GRIP2: variants seen among roughly 807,000 people sequenced by gnomAD.
The protein encoded by GRIP2 is glutamate receptor interacting protein 2.
Under a neutral mutation model 108.3 loss-of-function variants are expected in GRIP2, and 58 were observed. The ratio of observed to expected loss-of-function variants is 0.54; its 90% CI spans 0.43 to 0.67. GRIP2 has a LOEUF of 0.67. GRIP2 is among the 30% of genes least tolerant of loss of function. GRIP2 has a pLI of 0.00. For synonymous variants in GRIP2, 586 were observed against 598.2 expected, an observed-to-expected ratio of 0.98 and a Z score of 0.30; for missense variants, 1,278 against 1,430.6, an observed-to-expected ratio of 0.89 and a Z score of 1.72.
intron 1 of GRIP2, among the ~76,000 whole-genome samples, chr3:14,535,993 C>T (rs560872939): frequency 5.9e-5 from 9 of 152,320 alleles, no homozygotes; most frequent in South Asian, 2.1e-4. Flanking sequence ...CCAATCCCCA[C>T]GGGCGACAAG....
At chr3:14,547,590 A>C (rs1387554730) in intron 1 of GRIP2, among the ~76,000 whole-genome samples, 1 of 152,130 alleles carries the variant, frequency 6.6e-6, no homozygotes, top group African/African-American at 2.4e-5. Flanking sequence ...GGAGGGAGAG[A>C]GGGATAGGGT....
chr3:14,500,631 A>G (rs941698460), intron 21 of GRIP2, among the ~76,000 whole-genome samples: 1 of 152,248 alleles, frequency 6.6e-6, no homozygotes, highest in African/African-American at 2.4e-5. Flanking sequence ...ATTTAAGAGC[A>G]GGGGTGAAAT....
At chr3:14,526,563 C>T (rs1020335636) in intron 1 of GRIP2, among the ~76,000 whole-genome samples, 2 of 152,202 alleles carry the variant, frequency 1.3e-5, no homozygotes, top group African/African-American at 2.4e-5. Context: ...CACTCTAATT[C>T]GAGAAAGCGC....
chr3:14,533,768 C>T (rs193059939), intron 1 of GRIP2, among the ~76,000 whole-genome samples: 1 of 152,138 alleles, frequency 6.6e-6, no homozygotes, highest in African/African-American at 2.4e-5. Flanking sequence ...TTAGGGACAG[C>T]GGAGGTGCCG....
At position 14,507,622 on chromosome 3, in the gene GRIP2, G is replaced by C. The variant is rs779866197; in HGVS notation, c.2157C>G (p.Ala719=). The C allele has an allele frequency of 1.2e-6, 2 of 1,614,024 alleles. No homozygotes were observed. The highest frequency in any genetic ancestry group is 1.7e-6 in the Non-Finnish European group (2 of 1,179,880). ...VSLKGRPLSE[A]IHLLQVAGET... ...CTCCAGCCACCTGCAGGAGGTGGAT[G>C]GCCTCGCTCAGCGGCCGGCCCTTGA... Residue 719 remains alanine, a synonymous_variant, in exon 18 of 24, where the codon GCC becomes GCG. Coordinates refer to ENST00000621039, the MANE Select transcript of GRIP2 (RefSeq NM_001080423.4). The surrounding 1 kb of genome is among the most constrained non-coding windows in gnomAD (Gnocchi z 4.6).
Position 14,507,001 on chromosome 3 carries a change from C to T in GRIP2, c.2219-21G>A, listed in dbSNP as rs1013624720. On this transcript the variant is annotated intron_variant, in intron 18 of 23. Coordinates refer to ENST00000621039, the MANE Select transcript of GRIP2 (RefSeq NM_001080423.4). This position sits in a 1 kb window ranked among gnomAD's most constrained non-coding sequence, Gnocchi z 4.6. The stretch of plus-strand genomic sequence containing the variant: ...GGGACCTGGGAGGAGAGAGGGGTGT[C>T]AATTCTGACTTCAGAGACACTCACA... The T allele has an allele frequency of 1.9e-6, 3 of 1,572,524 alleles. No homozygotes were observed. The African/African-American group carries it at 4.0e-5, about 21-fold the overall frequency.
At chr3:14,518,797 C>T (rs907803273) in intron 9 of GRIP2, among the ~76,000 whole-genome samples, 2 of 152,208 alleles carry the variant, frequency 1.3e-5, no homozygotes, top group African/African-American at 4.8e-5. Context: ...AACTGCGGGA[C>T]CTGGAGGAGT....
At position 14,517,151 on chromosome 3, in the gene GRIP2, T is replaced by C. The variant is rs748075236; in HGVS notation, c.1219A>G (p.Ser407Gly). The change falls in exon 11 of 24, where the codon AGC (serine) becomes GGC (glycine). Residue 407 changes from serine to glycine, a missense_variant. Physicochemically the swap from Ser to Gly is moderately conservative, Grantham distance 56. Coordinates refer to ENST00000621039, the MANE Select transcript of GRIP2 (RefSeq NM_001080423.4). ...GGCTGGGATCCACGGGGAAGGGTGCTGGGGTTGTTGCAGGAAAAGGCGTGG... is the reference window on the plus strand; with the variant it reads ...GGCTGGGATCCACGGGGAAGGGTGCCGGGGTTGTTGCAGGAAAAGGCGTGG... ...LNHAFSCNNP[S>G]TLPRGSQPMS... is the part of the protein sequence containing the mutation. 4 of 1,609,754 alleles carry C rather than the reference T, an allele frequency of 2.5e-6. No individual in the cohort carries two copies. Among genetic ancestry groups the C allele is most frequent in the Non-Finnish European group, 3.4e-6 (4 of 1,178,454 alleles).
chr3:14,542,560 A>T (rs192107201), upstream of GRIP2, among the ~76,000 whole-genome samples: 17 of 152,150 alleles, frequency 1.1e-4, no homozygotes, highest in Admixed American at 4.6e-4. Context: ...AAGCCTTGCC[A>T]CATTTCTGTC....
chr3:14,494,421 A>G (rs575186913), intron 23 of GRIP2, among the ~76,000 whole-genome samples: 1 of 152,280 alleles, frequency 6.6e-6, no homozygotes, highest in Admixed American at 6.5e-5. Flanking sequence ...GCTCCCTCAC[A>G]GTTAGTTAGG....
intron 1 of GRIP2, among the ~76,000 whole-genome samples, chr3:14,550,103 CA>C (rs1260714970): frequency 6.6e-6 from 1 of 152,206 alleles, no homozygotes; most frequent in Non-Finnish European, 1.5e-5. Context: ...TGTTTGAGGA[CA>C]GGGCTTGACC....
At chr3:14,556,704 G>A (rs1695241895), upstream of GRIP2, among the ~76,000 whole-genome samples, 1 of 152,186 alleles carries the variant, frequency 6.6e-6, no homozygotes, top group African/African-American at 2.4e-5. Context: ...GTGGAGTTTT[G>A]GGGACTATGT....
At chr3:14,597,103 G>A in the GRIP2 span, among the ~76,000 whole-genome samples, 1 of 152,196 alleles carries the variant, frequency 6.6e-6, no homozygotes, top group Non-Finnish European at 1.5e-5. Context: ...CAGCAAAAGG[G>A]AACAGCAAGT....
chr3:14,530,807 C>T (rs1694690535), intron 1 of GRIP2, among the ~76,000 whole-genome samples: 1 of 152,194 alleles, frequency 6.6e-6, no homozygotes, highest in Non-Finnish European at 1.5e-5. Flanking sequence ...GCATAATAAT[C>T]ACATCAAAGT....
chr3:14,586,159 G>A, the GRIP2 span, among the ~76,000 whole-genome samples: 7 of 152,128 alleles, frequency 4.6e-5, no homozygotes, highest in East Asian at 7.7e-4. Flanking sequence ...TCCCTTGGTT[G>A]GGCCCCACAC....
the GRIP2 span, among the ~76,000 whole-genome samples, chr3:14,581,717 C>G: frequency 6.4e-3 from 976 of 152,324 alleles, 9 homozygotes; most frequent in African/African-American, 0.022. Context: ...TGATGTTGTC[C>G]CTTGAGCCCC....
intron 11 of GRIP2, among the ~76,000 whole-genome samples, chr3:14,515,922 T>A (rs918446578): frequency 4.6e-5 from 7 of 152,178 alleles, no homozygotes; most frequent in African/African-American, 1.7e-4. Flanking sequence ...TGAGCCACCA[T>A]GCCTGGCCTA....
chr3:14,522,107 T>G lies in GRIP2; in HGVS notation c.567-320A>C. The G allele has an allele frequency of 3.4e-6, 1 of 291,014 alleles. No individual in the cohort carries two copies. Among genetic ancestry groups the G allele is most frequent in the Non-Finnish European group, 6.3e-6 (1 of 157,642 alleles). The allele number at this position is 291,014 out of a possible 1,614,324, so 18.0% of individuals were successfully genotyped here. On this transcript the variant is annotated intron_variant, in intron 6 of 23. Coordinates refer to ENST00000621039, the MANE Select transcript of GRIP2 (RefSeq NM_001080423.4). The surrounding 1 kb of genome is among the most constrained non-coding windows in gnomAD (Gnocchi z 4.3). ...CTGAGCTGGGGGTGCTCTTCAAGCG[T>G]CACCCCCAACTCCTGCCTCAGGGAC...
At chr3:14,501,487 T>C (rs934670232) in intron 21 of GRIP2, among the ~76,000 whole-genome samples, 2 of 152,162 alleles carry the variant, frequency 1.3e-5, no homozygotes, top group African/African-American at 4.8e-5. Context: ...ACAAAACAGG[T>C]GTAAAGGACA....
Sources: gnomAD v4.1 joint callset for allele counts (sites outside exome capture counted in the v4.1 genomes callset) on GRCh38, gnomAD v4.1.1 for gene constraint, Gnocchi (gnomAD v3.1) non-coding constraint, MANE v1.5 for transcripts, NCBI Gene and HGNC (gene_info 2026-07-23, HGNC 2026-07-21) for gene names.